Variants in METTL15 observed in about 807,000 individuals in gnomAD.
METTL15 encodes 12S rRNA N(4)-cytidine methyltransferase METTL15.
Under a neutral mutation model 38.3 loss-of-function variants are expected in METTL15, and 34 were observed. That is an observed-to-expected ratio of 0.89 (90% CI 0.68 to 1.18). METTL15 has a LOEUF of 1.18. METTL15 is among the 50% of genes most tolerant of loss of function. The pLI, the probability that METTL15 is intolerant of heterozygous loss-of-function variation, is 0.00. For missense variants in METTL15, 438 were observed against 498.4 expected (o/e 0.88, Z 1.15); for synonymous variants, 162 against 170.9 (o/e 0.95, Z 0.41).
At chr11:28,187,367 A>G (rs1851535458) in intron 3 of METTL15, among the ~76,000 whole-genome samples, 1 of 151,046 alleles carries the variant, frequency 6.6e-6, no homozygotes, top group Non-Finnish European at 1.5e-5. Context: ...AAGATTGTAC[A>G]TTGGTATACC....
At chr11:28,401,220 C>T (rs1850627835) in intron 5 of METTL15, among the ~76,000 whole-genome samples, 1 of 151,910 alleles carries the variant, frequency 6.6e-6, no homozygotes, top group Admixed American at 6.6e-5. Context: ...AATTGATTAT[C>T]TTCACTACAA....
At chr11:28,168,690 T>G (rs147825252) in intron 3 of METTL15, among the ~76,000 whole-genome samples, 2 of 147,564 alleles carry the variant, frequency 1.4e-5, no homozygotes, top group South Asian at 2.1e-4. Context: ...AAACACAAAC[T>G]GTAGTACAAA....
At chr11:28,378,879 A>G (rs1564912736) in intron 5 of METTL15, among the ~76,000 whole-genome samples, 1 of 144,772 alleles carries the variant, frequency 6.9e-6, no homozygotes, top group African/African-American at 2.5e-5. Context: ...GAGACTTTTT[A>G]TTACAACTTT....
chr11:28,220,157 G>A (rs1341014118), intron 4 of METTL15, among the ~76,000 whole-genome samples: 1 of 152,114 alleles, frequency 6.6e-6, no homozygotes, highest in Non-Finnish European at 1.5e-5. Context: ...TGTTGACAGT[G>A]GGGTGTTAAA....
At chr11:28,408,281 T>A (rs1445602089) in intron 5 of METTL15, among the ~76,000 whole-genome samples, 2 of 152,120 alleles carry the variant, frequency 1.3e-5, no homozygotes, top group African/African-American at 4.8e-5. Flanking sequence ...GTAACAAACC[T>A]GCACGTCCTG....
At chr11:28,407,428 A>G (rs1318043864) in intron 5 of METTL15, among the ~76,000 whole-genome samples, 1 of 152,338 alleles carries the variant, frequency 6.6e-6, no homozygotes, top group East Asian at 1.9e-4. Context: ...CAAAGGTCTA[A>G]TATCCAGCAT....
intron 4 of METTL15, among the ~76,000 whole-genome samples, chr11:28,232,470 G>A (rs1453602835): frequency 2.0e-5 from 3 of 151,370 alleles, no homozygotes; most frequent in Non-Finnish European, 3.0e-5. Flanking sequence ...GAACTCCTAT[G>A]CATAAAAATT....
intron 6 of METTL15, among the ~76,000 whole-genome samples, chr11:28,445,941 G>A (rs117546714): frequency 9.2e-5 from 14 of 152,226 alleles, no homozygotes; most frequent in African/African-American, 2.2e-4. Flanking sequence ...TTGAACCCCC[G>A]TGCCTGGCCT....
chr11:28,308,073 T>C (rs117906735), intron 6 of METTL15, among the ~76,000 whole-genome samples: 229 of 152,088 alleles, frequency 1.5e-3, no homozygotes, highest in Non-Finnish European at 2.5e-3. Flanking sequence ...AGTTGATAGG[T>C]TTATGATTAT....
chr11:28,358,959 G>T (rs928362217), intron 4 of METTL15, among the ~76,000 whole-genome samples: 2 of 152,028 alleles, frequency 1.3e-5, no homozygotes, highest in Admixed American at 6.6e-5. Context: ...AGATTCAGAG[G>T]GTACATGTGT....
chr11:28,176,413 G>A (rs1851076375), intron 3 of METTL15, among the ~76,000 whole-genome samples: 1 of 152,170 alleles, frequency 6.6e-6, no homozygotes, highest in Non-Finnish European at 1.5e-5. Context: ...CAGTGTCTGA[G>A]TCAGAATCCT....
chr11:28,353,424 G>C (rs1488008486), intron 4 of METTL15, among the ~76,000 whole-genome samples: 1 of 152,184 alleles, frequency 6.6e-6, no homozygotes, highest in Non-Finnish European at 1.5e-5. Context: ...ACCAGACCTT[G>C]ATTAATATGT....
intron 3 of METTL15, among the ~76,000 whole-genome samples, chr11:28,349,929 A>G (rs1850027397): frequency 6.6e-6 from 1 of 152,220 alleles, no homozygotes; most frequent in East Asian, 1.9e-4. Flanking sequence ...GTGTTGCATA[A>G]ATGATGAGAG....
In METTL15 at chr11:28,128,124, T is replaced by C. The variant is rs541449530; in HGVS notation, c.270+14520T>C. On this transcript the variant is annotated intron_variant, in intron 3 of 6. Coordinates refer to ENST00000407364, the MANE Select transcript of METTL15 (RefSeq NM_001113528.2). ...GGATTTTCTTGCATGTAAATTTCCA[T>C]TGAATGCTCTGTGGGCATTTTCATA... 9.9e-5 allele frequency among the ~76,000 whole-genome samples: 15 copies of C among 152,280 alleles called. No individual in the cohort carries two copies. The South Asian group carries it at 3.1e-3, about 32-fold the overall frequency.
In METTL15 at chr11:28,190,874, C is replaced by T. The variant is rs147686158; in HGVS notation, c.271-20188C>T. Among the ~76,000 whole-genome samples, 557 of 151,318 alleles carry T rather than the reference C, an allele frequency of 3.7e-3. 5 individuals are homozygous for T. Among genetic ancestry groups the T allele is most frequent in the African/African-American group, 0.013 (523 of 41,442 alleles). On this transcript the variant is annotated intron_variant, in intron 3 of 6. Transcript: ENST00000407364. ...AAGGCAATATTTTATGTACTTAGCT[C>T]GTTTGCTTTAGTTATAACTTGTTCA...
In METTL15 at chr11:28,290,311, G is replaced by C. The variant is rs1856461115; in HGVS notation, c.513G>C (p.Gly171=). The C allele has an allele frequency of 2.5e-6, 4 of 1,613,582 alleles. No individual in the cohort carries two copies. In the East Asian group the frequency reaches 8.9e-5, roughly 36 times the overall value. The change falls in exon 5 of 7, where the codon GGG becomes GGC. Residue 171 remains glycine, a synonymous_variant. Transcript: ENST00000407364. ...TTGATGGAGTTCTTATGGATCTTGG[G>C]TGTTCCTCCATGCAACTTGATACTC... ...GTFDGVLMDL[G]CSSMQLDTPE...
intron 6 of METTL15, among the ~76,000 whole-genome samples, chr11:28,315,150 T>G (rs1001902347): frequency 9.9e-5 from 15 of 152,058 alleles, no homozygotes; most frequent in Non-Finnish European, 1.8e-4. Context: ...TTGGAACAGT[T>G]TGGAGAGCTC....
At chr11:28,430,010 C>G (rs1347056626) in intron 6 of METTL15, among the ~76,000 whole-genome samples, 1,874 of 137,566 alleles carry the variant, frequency 0.014, 23 homozygotes, top group African/African-American at 0.039. Flanking sequence ...TGCCCCGCCG[C>G]CCCATCTGGG....
chr11:28,526,984 A>C (rs1851816801), exon 8 of METTL15: 1 of 151,306 alleles, frequency 6.6e-6, no homozygotes, highest in Non-Finnish European at 1.5e-5. Flanking sequence ...ATTTTTAGGA[A>C]ATGTTTAAGC....
Sources: gnomAD v4.1 joint callset for allele counts (sites outside exome capture counted in the v4.1 genomes callset) on GRCh38, gnomAD v4.1.1 for gene constraint, MANE v1.5 for transcripts, NCBI Gene and HGNC (gene_info 2026-07-23, HGNC 2026-07-21) for gene names.